IMMT: variants seen among roughly 807,000 people sequenced by gnomAD.
The protein encoded by IMMT is inner membrane mitochondrial protein, also known as MICOS complex subunit MIC60.
Under a neutral mutation model 92.7 loss-of-function variants are expected in IMMT, and 40 were observed. The ratio of observed to expected loss-of-function variants is 0.43; its 90% CI spans 0.34 to 0.56. The LOEUF (loss-of-function observed/expected upper bound fraction) is 0.56, where lower values mean the gene tolerates loss of function less well. Ranked by LOEUF, IMMT falls within the 20% of genes least tolerant of loss-of-function variation. The pLI is 0.03. For synonymous variants in IMMT, 322 were observed against 336.1 expected, an observed-to-expected ratio of 0.96 and a Z score of 0.46; for missense variants, 831 against 912.1, an observed-to-expected ratio of 0.91 and a Z score of 1.14.
At chr2:86,149,357 G>A (rs1268776630) in intron 12 of IMMT, among the ~76,000 whole-genome samples, 1 of 152,202 alleles carries the variant, frequency 6.6e-6, no homozygotes, top group Non-Finnish European at 1.5e-5. Flanking sequence ...GCAGTGAAAT[G>A]GCTCATGGCA....
chr2:86,184,176 T>C (rs1007898144), intron 1 of IMMT, among the ~76,000 whole-genome samples: 8 of 151,360 alleles, frequency 5.3e-5, no homozygotes, highest in South Asian at 2.1e-4. Context: ...TATAAATAAT[T>C]TTTTTTTTAA....
At chr2:86,187,287 T>C (rs1476711629) in intron 1 of IMMT, among the ~76,000 whole-genome samples, 1 of 152,242 alleles carries the variant, frequency 6.6e-6, no homozygotes, top group Non-Finnish European at 1.5e-5. Context: ...AGATATTTTG[T>C]ATAAATGGAA....
At chr2:86,183,670 C>T (rs1276061893) in intron 1 of IMMT, among the ~76,000 whole-genome samples, 1 of 152,156 alleles carries the variant, frequency 6.6e-6, no homozygotes, top group African/African-American at 2.4e-5. Context: ...AGGCAACTGA[C>T]ACTGTCAGTT....
chr2:86,180,562 G>A (rs146860518), intron 2 of IMMT, among the ~76,000 whole-genome samples: 1,836 of 150,894 alleles, frequency 0.012, 44 homozygotes, highest in African/African-American at 0.042. Context: ...CACCACGCCC[G>A]GCCTAAACAC....
intron 3 of IMMT, among the ~76,000 whole-genome samples, 195 bp from the exon 4 acceptor site, chr2:86,173,956 T>C (rs1012279396): frequency 2.0e-5 from 3 of 152,230 alleles, no homozygotes; most frequent in African/African-American, 4.8e-5. Flanking sequence ...AAAAATTTCA[T>C]TCCAAATGAC....
intron 10 of IMMT, among the ~76,000 whole-genome samples, chr2:86,153,919 G>C (rs1178307282): frequency 6.6e-6 from 1 of 152,172 alleles, no homozygotes; most frequent in Non-Finnish European, 1.5e-5. Flanking sequence ...CTGGAGTGCA[G>C]TGGTACAATC....
intron 1 of IMMT, among the ~76,000 whole-genome samples, chr2:86,190,534 T>C (rs922701208): frequency 6.6e-6 from 1 of 152,200 alleles, no homozygotes; most frequent in Non-Finnish European, 1.5e-5. Flanking sequence ...TCAAAAAGGC[T>C]GGGCCTGGTG....
chr2:86,180,644 C>T (rs1326956089), intron 2 of IMMT, among the ~76,000 whole-genome samples: 3 of 151,688 alleles, frequency 2.0e-5, no homozygotes, highest in African/African-American at 7.3e-5. Context: ...GCCAGCACTT[C>T]GAGAGGCCGA....
intron 10 of IMMT, among the ~76,000 whole-genome samples, chr2:86,154,197 G>A (rs1675688029): frequency 7.2e-6 from 1 of 138,442 alleles, no homozygotes; most frequent in African/African-American, 2.7e-5. Context: ...TTTTGAGACA[G>A]AGTCTCGCTC....
At chr2:86,154,009 T>G (rs1359087437) in intron 10 of IMMT, among the ~76,000 whole-genome samples, 1 of 151,378 alleles carries the variant, frequency 6.6e-6, no homozygotes, top group Non-Finnish European at 1.5e-5. Flanking sequence ...ACTAGAGGTG[T>G]ATGCCACCAT....
At chr2:86,172,844 T>A (rs982371156) in intron 4 of IMMT, among the ~76,000 whole-genome samples, 1 of 152,156 alleles carries the variant, frequency 6.6e-6, no homozygotes, top group Non-Finnish European at 1.5e-5. Context: ...CCCTTATCTC[T>A]TTCTAATCTT....
At chr2:86,178,541 G>A (rs888370789) in intron 3 of IMMT, among the ~76,000 whole-genome samples, 2 of 151,654 alleles carry the variant, frequency 1.3e-5, no homozygotes, top group African/African-American at 4.9e-5. Flanking sequence ...CAGGAGAATC[G>A]CTTGAACCCA....
Position 86,144,792 on chromosome 2 carries a change from CA to C in IMMT, c.1752del (p.Ala585GlnfsTer28). ...CCCAGCGGGATAGTAGGTGTTTCTG[CA>C]GATGAGGTCTTCATGCTGTACTTTA... ...EALKYSMKTS[S>X]AETPTIPLGS... On this transcript the variant is annotated frameshift_variant, in exon 15 of 15. Transcript: ENST00000410111. LOFTEE classifies it high-confidence loss of function. 1 of 1,613,120 alleles carries C rather than the reference CA, an allele frequency of 6.2e-7. No individual in the cohort carries two copies. Among genetic ancestry groups the C allele is most frequent in the African/African-American group, 1.3e-5 (1 of 74,992 alleles).
At chr2:86,150,659 TATACTC>T (rs1327262630) in intron 12 of IMMT, among the ~76,000 whole-genome samples, 11 of 152,194 alleles carry the variant, frequency 7.2e-5, no homozygotes, top group African/African-American at 9.6e-5. Context: ...CAGAGAAAAA[TATACTC>T]AGACTCCAAC....
intron 10 of IMMT, 36 bp downstream of exon 10, chr2:86,158,556 A>T: frequency 6.6e-7 from 1 of 1,512,622 alleles, no homozygotes; most frequent in Non-Finnish European, 9.0e-7. Context: ...AGTGGTTAAA[A>T]CATCAAAAAA....
In IMMT at chr2:86,171,306, T is replaced by A. The variant is rs1677066544; in HGVS notation, c.461A>T (p.Asp154Val). 1.9e-6 allele frequency: 3 copies of A among 1,611,188 alleles called. No homozygotes were observed. The highest frequency in any genetic ancestry group is 2.5e-6 in the Non-Finnish European group (3 of 1,178,482). The change falls in exon 5 of 15, where the codon GAT becomes GTT. Residue 154 changes from aspartate (D) to valine (V), a missense_variant. By Grantham distance (152) the Asp-to-Val change is radical. Coordinates refer to ENST00000410111, the MANE Select transcript of IMMT (RefSeq NM_006839.3). ...TGCAGGGGCTGGGACCGACAGGGTA[T>A]CACCTGCTGCAGAAATAATTTGAGC... is the stretch of plus-strand genomic sequence containing the variant. ...EAAQIISAAG[D>V]TLSVPAPAVQ...
In IMMT at chr2:86,195,358, C is replaced by G. The variant is rs576909274; in HGVS notation, c.25G>C (p.Gly9Arg). The G allele has an allele frequency of 5.2e-6, 8 of 1,550,244 alleles. No individual in the cohort carries two copies. Among genetic ancestry groups the G allele is most frequent in the East Asian group, 2.4e-5 (1 of 40,876 alleles). The change falls in exon 1 of 15, where the codon GGT becomes CGT. Residue 9 changes from glycine to arginine, a missense_variant. Gly to Arg is a moderately radical substitution (Grantham distance 125). Coordinates refer to ENST00000410111, the MANE Select transcript of IMMT (RefSeq NM_006839.3). ...CTCACCTGGGCGGCGGCGGTCACAC[C>G]CGATAACTGACAGGCCCGCAGCATC... MLRACQLS[G>R]VTAAAQSCLC...
At chr2:86,168,544 A>T (rs996501280) in intron 6 of IMMT, among the ~76,000 whole-genome samples, 1 of 151,992 alleles carries the variant, frequency 6.6e-6, no homozygotes, top group Admixed American at 6.6e-5. Flanking sequence ...AATCGCTTGA[A>T]CCTGGGAGTT....
At chr2:86,171,857 TA>T (rs1558829839) in intron 4 of IMMT, among the ~76,000 whole-genome samples, 15 of 118,082 alleles carry the variant, frequency 1.3e-4, no homozygotes, top group Non-Finnish European at 2.8e-4. Context: ...CATATATATA[TA>T]TATATTTTTT....
Sources: allele counts gnomAD v4.1 joint callset (sites outside exome capture counted in the v4.1 genomes callset), GRCh38; gene constraint gnomAD v4.1.1; transcripts MANE v1.5; gene names NCBI Gene and HGNC (gene_info 2026-07-23, HGNC 2026-07-21).